The following ZGRF1 variants were observed in gnomAD, a reference collection of about 807,000 sequenced individuals.
ZGRF1 encodes the protein 5'-3' DNA helicase ZGRF1.
A neutral mutation model predicts 203.5 loss-of-function variants in ZGRF1; 196 were observed. That is an observed-to-expected ratio of 0.96 (90% confidence interval 0.86 to 1.08). The LOEUF (loss-of-function observed/expected upper bound fraction) is 1.08. Among genes scored for constraint, ZGRF1 ranks in the 50% least tolerant of loss-of-function variants. The pLI is 0.00. For missense variants in ZGRF1, 2,326 were observed against 2,416.3 expected (o/e 0.96, Z 0.78); for synonymous variants, 809 against 841.3 (o/e 0.96, Z 0.66).
At chr4:112,596,185 T>C (rs576728407) in intron 10 of ZGRF1, among the ~76,000 whole-genome samples, 1 of 152,340 alleles carries the variant, frequency 6.6e-6, no homozygotes, top group South Asian at 2.1e-4. Flanking sequence ...AGAAACTCCA[T>C]CTTTGATGAA....
chr4:112,632,947 T>A (rs535412317), intron 2 of ZGRF1, among the ~76,000 whole-genome samples: 1 of 152,364 alleles, frequency 6.6e-6, no homozygotes, highest in South Asian at 2.1e-4. Context: ...CAGATAGGGT[T>A]ACCAGATAAA....
chr4:112,632,049 T>C (rs779740010), intron 2 of ZGRF1, 39 bp from the exon 3 acceptor site: 4 of 1,027,722 alleles, frequency 3.9e-6, no homozygotes, highest in Middle Eastern at 2.8e-4. Context: ...TTTCCATTTA[T>C]ATATATTTAA....
At chr4:112,556,094 CGTT>C (rs1430407694) in intron 20 of ZGRF1, among the ~76,000 whole-genome samples, 2 of 151,558 alleles carry the variant, frequency 1.3e-5, no homozygotes, top group Non-Finnish European at 2.9e-5. Flanking sequence ...CAAAAAACAA[CGTT>C]GTCCTCAGCC....
intron 3 of ZGRF1, among the ~76,000 whole-genome samples, chr4:112,630,605 T>C (rs1466337295): frequency 6.6e-6 from 1 of 152,204 alleles, no homozygotes; most frequent in Admixed American, 6.5e-5. Flanking sequence ...ATTGTCAATG[T>C]GTCCTATATA....
chr4:112,563,322 G>T, intron 16 of ZGRF1, 48 bp from the exon 17 acceptor site: 11 of 1,390,492 alleles, frequency 7.9e-6, no homozygotes, highest in Non-Finnish European at 9.8e-6. Flanking sequence ...ATACAGTATG[G>T]TTTTATATTT....
At chr4:112,557,175 C>CT (rs111925781) in intron 20 of ZGRF1, among the ~76,000 whole-genome samples, 7,520 of 143,194 alleles carry the variant, frequency 0.053, 447 homozygotes, top group African/African-American at 0.15. Flanking sequence ...ACTTCTTCTT[C>CT]TTTTTTTTTT....
chr4:112,554,756 A>C lies in ZGRF1; in HGVS notation c.5147T>G (p.Phe1716Cys), dbSNP rs1421512090. 1.3e-6 allele frequency: 2 copies of C among 1,542,122 alleles called. No homozygotes were observed. The highest frequency in any genetic ancestry group is 3.9e-5 in the Admixed American group (2 of 51,006). The change falls in exon 21 of 28, where the codon TTT becomes TGT. Residue 1716 changes from phenylalanine to cysteine, a missense_variant. Transcript: ENST00000505019. ...CTTCCTAACACTCCCAACTCTGATA[A>C]AGTTTTCAAATCCAAGACTGAGAAG... ...LGLLSLGFEN[F>C]IRVGSVRKIA...
rs761051115 is a variant in ZGRF1 at position 112,541,109 on chromosome 4, CATTAT to C, written c.5753_5757del (p.Tyr1918CysfsTer2). On this transcript the variant is annotated frameshift_variant, in exon 25 of 28. Coordinates refer to ENST00000505019, the MANE Select transcript of ZGRF1 (RefSeq NM_018392.5). LOFTEE classifies it high-confidence loss of function. ...TCATTTACCTGTTCTAGTCCTTTAACATTATAAAAACACAGGGTTGGTAGCCATTC... is the reference window on the plus strand; with the variant it reads ...TCATTTACCTGTTCTAGTCCTTTAACAAAAACACAGGGTTGGTAGCCATTC... 12 of 1,595,668 alleles carry C rather than the reference CATTAT, an allele frequency of 7.5e-6. No homozygotes were observed. The highest frequency in any genetic ancestry group is 1.0e-5 in the Non-Finnish European group (12 of 1,170,118).
rs1369938221 is a variant in ZGRF1 at position 112,565,163 on chromosome 4, C to T, written c.4439-1889G>A. On this transcript the variant is annotated intron_variant, in intron 16 of 27. Transcript: ENST00000505019. ...GAAATTAGATGTTATCAGAAGTCCACTGAACTTCTGATTCGCTAACTTCCC... is the reference window on the plus strand; with the variant it reads ...GAAATTAGATGTTATCAGAAGTCCATTGAACTTCTGATTCGCTAACTTCCC... 21 of 1,470,958 alleles carry T rather than the reference C, an allele frequency of 1.4e-5. No individual in the cohort carries two copies. The Admixed American group carries it at 3.3e-4, about 23-fold the overall frequency. The allele number at this position is 1,470,958 out of a possible 1,614,324, so 91.1% of individuals were successfully genotyped here.
At chr4:112,616,524 C>CA (rs1359140414) in intron 6 of ZGRF1, among the ~76,000 whole-genome samples, 1,628 of 81,214 alleles carry the variant, frequency 0.02, 21 homozygotes, top group Middle Eastern at 0.06. Flanking sequence ...GACTGTGTCT[C>CA]AAAAAAAAAA....
chr4:112,589,055 A>G (rs1355048265), intron 11 of ZGRF1, among the ~76,000 whole-genome samples: 1 of 152,184 alleles, frequency 6.6e-6, no homozygotes, highest in Non-Finnish European at 1.5e-5. Context: ...TTCACATTAC[A>G]GAATTTTTTG....
chr4:112,571,120 G>A (rs184765173), intron 16 of ZGRF1, among the ~76,000 whole-genome samples: 76 of 146,530 alleles, frequency 5.2e-4, no homozygotes, highest in Middle Eastern at 3.6e-3. Context: ...AAAAAAAAGA[G>A]TGGTACTTTA....
In ZGRF1 at chr4:112,552,946, T is replaced by C. The variant is rs533210997; in HGVS notation, c.5346+889A>G. 3.3e-5 allele frequency among the ~76,000 whole-genome samples: 5 copies of C among 152,352 alleles called. 2 individuals are homozygous for C. The highest frequency in any genetic ancestry group is 1.2e-4 in the African/African-American group (5 of 41,582). ...ACTTCTGCCATCTGTTAGAAGATCA[T>C]GCCATAGCAACTGTTCTCAGAATAA... On this transcript the variant is annotated intron_variant, in intron 22 of 27. Coordinates refer to ENST00000505019, the MANE Select transcript of ZGRF1 (RefSeq NM_018392.5).
chr4:112,612,610 A>C (rs1157949919), intron 6 of ZGRF1, 22 bp from the exon 7 acceptor site: 1 of 1,481,654 alleles, frequency 6.7e-7, no homozygotes, highest in Non-Finnish European at 9.4e-7. Flanking sequence ...AAAAGAAATA[A>C]TCATATCATT....
At chr4:112,633,052 T>G (rs1385861652) in intron 2 of ZGRF1, 104 bp downstream of exon 2, 7 of 1,046,764 alleles carry the variant, frequency 6.7e-6, no homozygotes, top group Non-Finnish European at 1.0e-5. Context: ...TTTGTTTTGT[T>G]TTTGCTAAAT....
At chr4:112,577,775 T>C (rs1578337589) in intron 16 of ZGRF1, among the ~76,000 whole-genome samples, 1 of 122,780 alleles carries the variant, frequency 8.1e-6, no homozygotes, top group Non-Finnish European at 1.8e-5. Flanking sequence ...CCCGGATTCA[T>C]AGAGCAAGTC....
intron 6 of ZGRF1, among the ~76,000 whole-genome samples, chr4:112,613,561 T>TA (rs766492688): frequency 6.6e-6 from 1 of 152,184 alleles, no homozygotes; most frequent in Non-Finnish European, 1.5e-5. Flanking sequence ...AGTGATATGA[T>TA]ACAGAACGAT....
chr4:112,625,029 A>AT (rs2047185944), intron 3 of ZGRF1, among the ~76,000 whole-genome samples: 1 of 152,190 alleles, frequency 6.6e-6, no homozygotes, highest in Admixed American at 6.5e-5. Context: ...TGTTAAACCC[A>AT]GATACTCCAG....
intron 11 of ZGRF1, among the ~76,000 whole-genome samples, 198 bp from the exon 12 acceptor site, chr4:112,588,127 T>C (rs1454704674): frequency 1.3e-5 from 2 of 152,122 alleles, no homozygotes; most frequent in African/African-American, 2.4e-5. Context: ...TCATATATAC[T>C]GAAACATTCT....
Sources: gnomAD v4.1 joint callset for allele counts (sites outside exome capture counted in the v4.1 genomes callset) on GRCh38, gnomAD v4.1.1 for gene constraint, MANE v1.5 for transcripts, NCBI Gene and HGNC (gene_info 2026-07-23, HGNC 2026-07-21) for gene names.